Variants in TBC1D2 observed in about 807,000 individuals in gnomAD.
TBC1D2 encodes the protein TBC1 domain family member 2A.
A neutral mutation model predicts 91.1 loss-of-function variants in TBC1D2; 58 were observed. That is an observed-to-expected ratio of 0.64 (90% CI 0.52 to 0.79). TBC1D2 has a LOEUF of 0.79. Among genes scored for constraint, TBC1D2 ranks in the 30% least tolerant of loss-of-function variants. The pLI is 0.00. For missense variants in TBC1D2, 1,080 were observed against 1,208.3 expected (o/e 0.89, Z 1.57); for synonymous variants, 482 against 511.5 (o/e 0.94, Z 0.78).
chr9:98,233,712 G>A (rs1224953034), intron 3 of TBC1D2, among the ~76,000 whole-genome samples, 163 bp from the exon 4 acceptor site: 2 of 152,132 alleles, frequency 1.3e-5, no homozygotes, highest in Non-Finnish European at 2.9e-5. Flanking sequence ...CCCCATGCAT[G>A]GCACTCCCAA....
intron 3 of TBC1D2, among the ~76,000 whole-genome samples, chr9:98,242,830 T>TTTTTTA (rs1829678087): frequency 1.7e-5 from 2 of 118,882 alleles, no homozygotes; most frequent in African/African-American, 6.4e-5. Context: ...TTTTTTTTTT[T>TTTTTTA]GAGACAGGGT....
At chr9:98,252,025 T>G in intron 1 of TBC1D2, 99 bp from the exon 2 acceptor site, 1 of 1,460,212 alleles carries the variant, frequency 6.8e-7, no homozygotes, top group Non-Finnish European at 9.1e-7. Flanking sequence ...GAATGCTTTC[T>G]TTCCCAGGAA....
At chr9:98,245,261 AAAC>A (rs1053879457) in intron 2 of TBC1D2, among the ~76,000 whole-genome samples, 10 of 149,720 alleles carry the variant, frequency 6.7e-5, no homozygotes, top group Non-Finnish European at 1.3e-4. Context: ...CAAAGAAACA[AAAC>A]AAAAACAAAC....
intron 9 of TBC1D2, among the ~76,000 whole-genome samples, chr9:98,208,299 C>A (rs755941338): frequency 3.3e-5 from 5 of 152,074 alleles, no homozygotes; most frequent in African/African-American, 4.8e-5. Context: ...AACAACGGTC[C>A]CCAACCTTTT....
At chr9:98,248,949 A>C (rs1036673553) in intron 2 of TBC1D2, among the ~76,000 whole-genome samples, 1 of 152,244 alleles carries the variant, frequency 6.6e-6, no homozygotes, top group Non-Finnish European at 1.5e-5. Context: ...AGATTGCTCA[A>C]GAGCAGTGAC....
At chr9:98,238,512 C>T (rs1173832819) in intron 3 of TBC1D2, among the ~76,000 whole-genome samples, 2 of 136,816 alleles carry the variant, frequency 1.5e-5, no homozygotes, top group Non-Finnish European at 3.0e-5. Flanking sequence ...AAACAAATAT[C>T]ATGTCAACTG....
intron 5 of TBC1D2, 94 bp from the exon 6 acceptor site, chr9:98,221,322 G>GT (rs1829097914): frequency 2.9e-6 from 4 of 1,401,076 alleles, no homozygotes; most frequent in South Asian, 3.0e-5. Flanking sequence ...CCTAACAACC[G>GT]TGAGAGGTGC....
Position 98,249,178 on chromosome 9 carries a change from G to A in TBC1D2, c.511+2607C>T, listed in dbSNP as rs567463761. 2.6e-4 allele frequency among the ~76,000 whole-genome samples: 40 copies of A among 152,322 alleles called. No individual in the cohort carries two copies. In the Middle Eastern group the frequency reaches 0.01, roughly 39 times the overall value. ...AAGGTTTTGCCAGGCCCTGGGTCTG[G>A]GAGGAGAGTGCAGGCTTGCTGCAAG... On this transcript the variant is annotated intron_variant, in intron 2 of 12. Transcript: ENST00000465784.
intron 6 of TBC1D2, among the ~76,000 whole-genome samples, chr9:98,220,428 G>A (rs957214068): frequency 6.6e-6 from 1 of 152,180 alleles, no homozygotes; most frequent in Non-Finnish European, 1.5e-5. Flanking sequence ...GTGTGCAGGC[G>A]CAGGACTGTG....
At chr9:98,230,296 C>A (rs1347655035) in intron 4 of TBC1D2, among the ~76,000 whole-genome samples, 3 of 152,230 alleles carry the variant, frequency 2.0e-5, no homozygotes, top group African/African-American at 7.2e-5. Context: ...TAGCTGCTTG[C>A]ATTTCCCTCT....
At chr9:98,217,070 G>A (rs1052722038) in intron 6 of TBC1D2, among the ~76,000 whole-genome samples, 6 of 152,204 alleles carry the variant, frequency 3.9e-5, no homozygotes, top group African/African-American at 1.2e-4. Context: ...CTCTAGGGAA[G>A]GCACAGACAT....
chr9:98,235,007 C>G (rs560643028), intron 3 of TBC1D2: 3 of 162,828 alleles, frequency 1.8e-5, no homozygotes, highest in African/African-American at 7.2e-5. Context: ...AGTTCAAGAC[C>G]AGCCTGGCCA....
Position 98,208,856 on chromosome 9 carries a change from T to C in TBC1D2, c.1962A>G (p.Glu654=). 6.2e-7 allele frequency: 1 copy of C among 1,612,970 alleles called. No homozygotes were observed. The highest frequency in any genetic ancestry group is 8.5e-7 in the Non-Finnish European group (1 of 1,179,114). ...CGCGGGCCTGGCCCCGGCTCAGCAG[T>C]TCCTGGTAGCAGCCTGGAGTGTGCA... ...QHLHTPGCYQ[E]LLSRGQAREH... is the part of the protein sequence containing the mutation. The change falls in exon 9 of 13, where the codon GAA becomes GAG. Residue 654 remains glutamate (E), a synonymous_variant. Transcript: ENST00000465784.
intron 6 of TBC1D2, among the ~76,000 whole-genome samples, chr9:98,215,340 C>T (rs907286612): frequency 6.6e-6 from 1 of 152,200 alleles, no homozygotes; most frequent in Non-Finnish European, 1.5e-5. Context: ...GCATCACCCC[C>T]ATCACCAACA....
At chr9:98,253,163 C>T (rs1829906072) in intron 1 of TBC1D2, among the ~76,000 whole-genome samples, 1 of 152,172 alleles carries the variant, frequency 6.6e-6, no homozygotes, top group African/African-American at 2.4e-5. Flanking sequence ...CAGGGGTGAG[C>T]CAACACACAT....
intron 3 of TBC1D2, among the ~76,000 whole-genome samples, chr9:98,236,906 A>T (rs536261998): frequency 6.7e-6 from 1 of 150,290 alleles, no homozygotes; most frequent in Non-Finnish European, 1.5e-5. Flanking sequence ...CATGCTTTGT[A>T]TCTGTGTAGA....
intron 6 of TBC1D2, 52 bp downstream of exon 6, chr9:98,220,781 G>T: frequency 1.3e-6 from 2 of 1,598,088 alleles, no homozygotes; most frequent in Non-Finnish European, 1.7e-6. Context: ...CTTCCCTGAG[G>T]GCTGGGACAG....
chr9:98,251,094 G>C (rs1026445194), intron 2 of TBC1D2, among the ~76,000 whole-genome samples: 1 of 152,160 alleles, frequency 6.6e-6, no homozygotes, highest in African/African-American at 2.4e-5. Flanking sequence ...AGATCAGCCT[G>C]GCCAAGATGG....
intron 8 of TBC1D2, among the ~76,000 whole-genome samples, chr9:98,209,657 C>G (rs1394291860): frequency 6.6e-6 from 1 of 152,132 alleles, no homozygotes; most frequent in African/African-American, 2.4e-5. Context: ...GCCCTGCCTG[C>G]ACTATCTCAT....
Sources: allele counts gnomAD v4.1 joint callset (sites outside exome capture counted in the v4.1 genomes callset), GRCh38; gene constraint gnomAD v4.1.1; transcripts MANE v1.5; gene names NCBI Gene and HGNC (gene_info 2026-07-23, HGNC 2026-07-21).